Variants in MYO6 observed in about 807,000 individuals in gnomAD.
The protein encoded by MYO6 is myosin VI, also known as unconventional myosin-VI.
Under a neutral mutation model 178.7 loss-of-function variants are expected in MYO6, and 74 were observed. The observed-to-expected ratio is 0.41, with a 90% CI of 0.34 to 0.50. The LOEUF (loss-of-function observed/expected upper bound fraction) is 0.50, where lower values mean the gene tolerates loss of function less well. Among genes scored for constraint, MYO6 ranks in the 20% least tolerant of loss-of-function variants. The probability of loss-of-function intolerance (pLI) is 0.09; values close to 1 mark genes in which losing one functional copy is unlikely to be tolerated. For missense variants in MYO6, 1,330 were observed against 1,547.4 expected, an observed-to-expected ratio of 0.86 and a Z score of 2.36; for synonymous variants, 477 against 504.6, an observed-to-expected ratio of 0.95 and a Z score of 0.73.
intron 1 of MYO6, among the ~76,000 whole-genome samples, chr6:75,793,091 G>T (rs1379596569): frequency 6.6e-6 from 1 of 151,992 alleles, no homozygotes; most frequent in Non-Finnish European, 1.5e-5. Flanking sequence ...TGTGCATAAT[G>T]ATTTTAAAAT....
In MYO6 at chr6:75,907,636, G is replaced by A; in HGVS notation, c.3208G>A (p.Ala1070Thr). The A allele has an allele frequency of 6.2e-7, 1 of 1,613,760 alleles. No individual in the cohort carries two copies. The highest frequency in any genetic ancestry group is 1.3e-5 in the African/African-American group (1 of 75,036). ...GPAVLATKAA[A>T]GTKKYDLSKW... ...TGCTGTACTAGCCACCAAAGCAGCT[G>A]CTGGTACTAAGAAATATGATCTTAG... is the stretch of plus-strand genomic sequence containing the variant. The change falls in exon 31 of 35, where the codon GCT becomes ACT. Residue 1070 changes from alanine (A) to threonine (T), a missense_variant. Ala to Thr is a moderately conservative substitution (Grantham distance 58). This residue lies in a region of MYO6 where 601 missense variants were observed against 626.1 expected (regional missense o/e 0.96). Transcript: ENST00000369977.
At chr6:75,830,004 G>A (rs1051473711) in intron 4 of MYO6, among the ~76,000 whole-genome samples, 3 of 152,262 alleles carry the variant, frequency 2.0e-5, no homozygotes, top group South Asian at 2.1e-4. Flanking sequence ...AAAACTTAGC[G>A]GTAGGAGATT....
intron 27 of MYO6, among the ~76,000 whole-genome samples, chr6:75,891,973 G>T (rs1778935579): frequency 7.9e-6 from 1 of 127,344 alleles, no homozygotes; most frequent in Non-Finnish European, 1.7e-5. Context: ...ATTAATAATT[G>T]TTTTTATACC....
chr6:75,773,773 A>G (rs1475654282), intron 1 of MYO6, among the ~76,000 whole-genome samples: 1 of 152,246 alleles, frequency 6.6e-6, no homozygotes, highest in Non-Finnish European at 1.5e-5. Context: ...GTGGCAAAAC[A>G]TTAGGATGGG....
chr6:75,810,123 C>T (rs951704544), intron 1 of MYO6, among the ~76,000 whole-genome samples: 2 of 148,846 alleles, frequency 1.3e-5, no homozygotes, highest in African/African-American at 5.0e-5. Flanking sequence ...TGTTGAGGTT[C>T]TTGTTATGTA....
chr6:75,799,448 TA>T (rs1562175073), intron 1 of MYO6, among the ~76,000 whole-genome samples: 1 of 151,914 alleles, frequency 6.6e-6, no homozygotes, highest in Admixed American at 6.6e-5. Context: ...ACACCTAGGT[TA>T]AGGAAGAACA....
intron 1 of MYO6, among the ~76,000 whole-genome samples, chr6:75,803,991 T>C (rs1769748002): frequency 6.6e-6 from 1 of 152,194 alleles, no homozygotes; most frequent in Non-Finnish European, 1.5e-5. Flanking sequence ...CCACCTGAGC[T>C]GAAGCTATTC....
At chr6:75,880,266 C>A (rs1259624354) in intron 22 of MYO6, 146 bp downstream of exon 22, 10 of 689,178 alleles carry the variant, frequency 1.5e-5, no homozygotes, top group Non-Finnish European at 2.4e-5. Flanking sequence ...CATACCATTT[C>A]TCAGAAAAGA....
chr6:75,803,273 C>CT (rs1047440225), intron 1 of MYO6, among the ~76,000 whole-genome samples: 21 of 147,582 alleles, frequency 1.4e-4, no homozygotes, highest in African/African-American at 2.5e-4. Context: ...GACATACTTG[C>CT]TTTTTTTTTT....
chr6:75,804,496 C>T (rs1769801490), intron 1 of MYO6, among the ~76,000 whole-genome samples: 1 of 152,044 alleles, frequency 6.6e-6, no homozygotes, highest in African/African-American at 2.4e-5. Flanking sequence ...TAGATCTACC[C>T]CACCCCTTCA....
At chr6:75,887,218 T>G (rs1056667939) in intron 25 of MYO6, among the ~76,000 whole-genome samples, 3 of 152,228 alleles carry the variant, frequency 2.0e-5, no homozygotes. Context: ...CCATTTCTTC[T>G]GTTGCTAAGA....
chr6:75,777,674 C>T (rs577593848), intron 1 of MYO6, among the ~76,000 whole-genome samples: 150 of 152,122 alleles, frequency 9.9e-4, no homozygotes, highest in Admixed American at 7.1e-3. Flanking sequence ...TGGGCTCAAT[C>T]TGTCTGCCCC....
intron 1 of MYO6, among the ~76,000 whole-genome samples, chr6:75,786,172 C>T (rs866572097): frequency 3.9e-5 from 6 of 152,068 alleles, no homozygotes; most frequent in African/African-American, 9.7e-5. Flanking sequence ...GTGATCTGCC[C>T]GCCTTGGCTT....
chr6:75,804,267 A>C (rs576274120), intron 1 of MYO6, among the ~76,000 whole-genome samples: 13 of 152,362 alleles, frequency 8.5e-5, no homozygotes, highest in Non-Finnish European at 1.9e-4. Flanking sequence ...TGCTAGGTGC[A>C]CACAAAACTT....
In MYO6 at chr6:75,867,161, A is replaced by G. The variant is rs190230807; in HGVS notation, c.1944+56A>G. On this transcript the variant is annotated intron_variant, in intron 18 of 34. Transcript: ENST00000369977. ...ATATTTAAAATGAAATTATTGTTTT[A>G]TATTCTAAAATGGATAATGTAGATC... 5.2e-6 allele frequency: 7 copies of G among 1,348,800 alleles called. No individual in the cohort carries two copies. The African/African-American group carries it at 8.8e-5, about 17-fold the overall frequency. The allele number at this position is 1,348,800 out of a possible 1,614,324, so 83.6% of individuals were successfully genotyped here. A position where few individuals can be genotyped will look rare whatever the true frequency, so the allele number is the denominator to read the frequency against.
In MYO6 at chr6:75,879,810, G is replaced by A. The variant is rs1402612868; in HGVS notation, c.2078-10G>A. ...GATTGACAGTGCTTTGTGCTTGTTC[G>A]TGAATCTAGGGATGGTGTCTGTTTT... On this transcript the variant is annotated splice_polypyrimidine_tract_variant and intron_variant, in intron 20 of 34. Transcript: ENST00000369977. 83 of 1,613,936 alleles carry A rather than the reference G, an allele frequency of 5.1e-5. No individual in the cohort carries two copies. The highest frequency in any genetic ancestry group is 6.7e-5 in the Non-Finnish European group (79 of 1,180,000).
chr6:75,793,617 T>A (rs1041403675), intron 1 of MYO6, among the ~76,000 whole-genome samples: 4 of 151,556 alleles, frequency 2.6e-5, no homozygotes, highest in Non-Finnish European at 4.4e-5. Flanking sequence ...GAAAAAAAAA[T>A]TAAAATGAGA....
chr6:75,894,829 G>A (rs559500599), intron 28 of MYO6: 32 of 1,518,084 alleles, frequency 2.1e-5, no homozygotes, highest in Non-Finnish European at 2.3e-5. Flanking sequence ...ATTCCTATCC[G>A]GTAACTTCTA....
chr6:75,902,938 T>A (rs1294314473), intron 30 of MYO6, among the ~76,000 whole-genome samples: 1 of 151,934 alleles, frequency 6.6e-6, no homozygotes, highest in Non-Finnish European at 1.5e-5. Context: ...TTTGTTCTCG[T>A]TGGTTTCAAA....
Sources: allele counts gnomAD v4.1 joint callset (sites outside exome capture counted in the v4.1 genomes callset), GRCh38; gene constraint gnomAD v4.1.1; regional missense constraint gnomAD v4.1.1; transcripts MANE v1.5; gene names NCBI Gene and HGNC (gene_info 2026-07-23, HGNC 2026-07-21).